PPP4R2: variants seen among roughly 807,000 people sequenced by gnomAD.
The protein encoded by PPP4R2 is serine/threonine-protein phosphatase 4 regulatory subunit 2.
A neutral mutation model predicts 47.2 loss-of-function variants in PPP4R2; 13 were observed. The observed-to-expected ratio is 0.28, with a 90% confidence interval of 0.18 to 0.44. PPP4R2 has a LOEUF of 0.44. PPP4R2 is among the 20% of genes least tolerant of loss of function. The pLI, the probability that PPP4R2 is intolerant of heterozygous loss-of-function variation, is 1.00. For synonymous variants in PPP4R2, 151 were observed against 163.3 expected, an observed-to-expected ratio of 0.92 and a Z score of 0.57; for missense variants, 421 against 491.2, an observed-to-expected ratio of 0.86 and a Z score of 1.35.
At chr3:73,061,121 CTAATA>C (rs1490010537) in intron 5 of PPP4R2, 61 bp downstream of exon 5, 8 of 736,384 alleles carry the variant, frequency 1.1e-5, no homozygotes, top group South Asian at 2.4e-5. Context: ...TTTATTGCTT[CTAATA>C]TATTATTCTT....
At chr3:73,042,264 A>C (rs967915254) in intron 2 of PPP4R2, among the ~76,000 whole-genome samples, 3 of 150,300 alleles carry the variant, frequency 2.0e-5, no homozygotes, top group African/African-American at 7.4e-5. Flanking sequence ...TCTCATTTCT[A>C]CTCATCCAGT....
chr3:73,019,779 C>T (rs1052298455), intron 2 of PPP4R2, among the ~76,000 whole-genome samples: 14 of 130,620 alleles, frequency 1.1e-4, no homozygotes, highest in Non-Finnish European at 2.2e-4. Flanking sequence ...AGTATACTTG[C>T]TCTCTCTCTT....
At chr3:73,064,709 C>T (rs1702948743) in intron 7 of PPP4R2, 143 bp from the exon 8 acceptor site, 3 of 734,154 alleles carry the variant, frequency 4.1e-6, no homozygotes, top group Non-Finnish European at 6.8e-6. Flanking sequence ...TGAAATTATT[C>T]TCTTGTGTTT....
chr3:73,051,398 T>C (rs1702608998), intron 3 of PPP4R2, among the ~76,000 whole-genome samples: 2 of 152,232 alleles, frequency 1.3e-5, no homozygotes, highest in Non-Finnish European at 2.9e-5. Flanking sequence ...TTGTGTTTCT[T>C]TGATTGCAAG....
chr3:73,032,141 A>C (rs1342757783), intron 2 of PPP4R2, among the ~76,000 whole-genome samples: 2 of 152,198 alleles, frequency 1.3e-5, no homozygotes, highest in Non-Finnish European at 2.9e-5. Flanking sequence ...TTATATGCAC[A>C]CACATTAGTG....
chr3:73,004,750 G>A (rs956503197), intron 2 of PPP4R2, among the ~76,000 whole-genome samples: 1 of 152,094 alleles, frequency 6.6e-6, no homozygotes, highest in South Asian at 2.1e-4. Flanking sequence ...CTGGCCAGCT[G>A]TTAACATCTG....
chr3:73,000,473 C>CT (rs1398638877), intron 2 of PPP4R2, among the ~76,000 whole-genome samples: 9 of 152,110 alleles, frequency 5.9e-5, no homozygotes, highest in African/African-American at 1.2e-4. Flanking sequence ...TTTCAAAAGA[C>CT]AATTGATTTG....
intron 3 of PPP4R2, among the ~76,000 whole-genome samples, chr3:73,053,347 A>G (rs896031902): frequency 2.7e-5 from 4 of 149,712 alleles, no homozygotes; most frequent in South Asian, 2.1e-4. Context: ...CCTCCTTACT[A>G]TTCCCCACCT....
intron 5 of PPP4R2, chr3:73,062,003 A>T (rs1479045678): frequency 3.9e-6 from 4 of 1,032,630 alleles, no homozygotes; most frequent in Non-Finnish European, 5.5e-6. Flanking sequence ...GAAGCAAAAT[A>T]TGTTTTGTTT....
intron 2 of PPP4R2, among the ~76,000 whole-genome samples, chr3:72,999,035 C>T (rs947881681): frequency 2.6e-5 from 4 of 152,144 alleles, no homozygotes; most frequent in African/African-American, 4.8e-5. Context: ...GTTCATTTCT[C>T]ACAAGATTTG....
At position 73,047,339 on chromosome 3, in the gene PPP4R2, T is replaced by A; in HGVS notation, c.270T>A (p.Ile90=). ...FDEMKERILK[I]VTGFNGIPFT... is the part of the protein sequence containing the mutation. ...AAATGAAGGAAAGAATACTGAAAAT[T>A]GTCACTGGATTTAATGGGTATGCAC... The change falls in exon 3 of 9, where the codon ATT becomes ATA. Residue 90 remains isoleucine, a synonymous_variant. Coordinates refer to ENST00000356692, the MANE Select transcript of PPP4R2 (RefSeq NM_174907.4). 6.2e-7 allele frequency: 1 copy of A among 1,609,514 alleles called. No homozygotes were observed. The highest frequency in any genetic ancestry group is 8.5e-7 in the Non-Finnish European group (1 of 1,177,494).
chr3:73,046,600 G>A (rs983891698), intron 2 of PPP4R2, among the ~76,000 whole-genome samples: 2 of 152,114 alleles, frequency 1.3e-5, no homozygotes, highest in African/African-American at 4.8e-5. Context: ...TATTTTTATT[G>A]TGCAAGTACT....
chr3:73,048,911 AC>A (rs1702550658), intron 3 of PPP4R2, among the ~76,000 whole-genome samples: 1 of 152,144 alleles, frequency 6.6e-6, no homozygotes, highest in Non-Finnish European at 1.5e-5. Context: ...GGGGTCTGTT[AC>A]AAAAATATTT....
intron 2 of PPP4R2, among the ~76,000 whole-genome samples, chr3:73,028,693 C>A (rs1702114418): frequency 6.6e-6 from 1 of 152,126 alleles, no homozygotes; most frequent in African/African-American, 2.4e-5. Context: ...CCGCCTAGGC[C>A]TCCCAAAGTG....
At chr3:73,061,989 T>C (rs763120429) in intron 5 of PPP4R2, 3 of 919,654 alleles carry the variant, frequency 3.3e-6, no homozygotes, top group Non-Finnish European at 3.2e-6. Context: ...AAAATTTCTT[T>C]TATGAAGCAA....
At position 73,062,662 on chromosome 3, in the gene PPP4R2, C is replaced by T. The variant is rs772356199; in HGVS notation, c.420-1011C>T. On this transcript the variant is annotated intron_variant, in intron 5 of 8. Transcript: ENST00000356692. The stretch of plus-strand genomic sequence containing the variant: ...TGCTGTGACCTTTTGATAGGCATTG[C>T]GGCTGGATCAAGTGATAAGATTTGC... 23 of 1,613,798 alleles carry T rather than the reference C, an allele frequency of 1.4e-5. No homozygotes were observed. In the South Asian group the frequency reaches 1.9e-4, roughly 13 times the overall value.
At chr3:73,043,421 A>C (rs979417241) in intron 2 of PPP4R2, among the ~76,000 whole-genome samples, 5 of 152,230 alleles carry the variant, frequency 3.3e-5, no homozygotes, top group Admixed American at 2.0e-4. Context: ...CATTTTTAAA[A>C]GTAATAGCAT....
At chr3:73,024,746 C>T (rs889396564) in intron 2 of PPP4R2, among the ~76,000 whole-genome samples, 24 of 151,862 alleles carry the variant, frequency 1.6e-4, no homozygotes, top group African/African-American at 5.8e-4. Flanking sequence ...AGATTTAGTC[C>T]CAAAATAATA....
intron 4 of PPP4R2, among the ~76,000 whole-genome samples, chr3:73,060,028 A>G (rs1702819186): frequency 6.6e-6 from 1 of 152,150 alleles, no homozygotes; most frequent in Non-Finnish European, 1.5e-5. Flanking sequence ...CTTGAGTGAA[A>G]AATGAAGGAA....
Sources: gnomAD v4.1 joint callset for allele counts (sites outside exome capture counted in the v4.1 genomes callset) on GRCh38, gnomAD v4.1.1 for gene constraint, MANE v1.5 for transcripts, NCBI Gene and HGNC (gene_info 2026-07-23, HGNC 2026-07-21) for gene names.